SEC16A: variants seen among roughly 807,000 people sequenced by gnomAD.
SEC16A encodes the protein SEC16 homolog A, endoplasmic reticulum export factor, also known as protein transport protein Sec16A.
Under a neutral mutation model 221.9 loss-of-function variants are expected in SEC16A, and 110 were observed. The ratio of observed to expected loss-of-function variants is 0.50; its 90% CI spans 0.42 to 0.58. SEC16A has a LOEUF of 0.58. SEC16A is among the 20% of genes least tolerant of loss of function. SEC16A has a pLI of 0.00. For synonymous variants in SEC16A, 1,393 were observed against 1,257.7 expected (o/e 1.11, Z -2.28); for missense variants, 3,165 against 3,097.8 (o/e 1.02, Z -0.52).
At chr9:136,464,081 A>G (rs1270708441) in intron 9 of SEC16A, among the ~76,000 whole-genome samples, 3 of 103,330 alleles carry the variant, frequency 2.9e-5, no homozygotes, top group African/African-American at 1.1e-4. Flanking sequence ...CGTCCACCCC[A>G]CCCGCCCCCC....
Position 136,447,174 on chromosome 9 carries a change from A to G in SEC16A, c.6697+53T>C, listed in dbSNP as rs570725466. On this transcript the variant is annotated intron_variant, in intron 27 of 31. Transcript: ENST00000684901. This position sits in a 1 kb window ranked among gnomAD's most constrained non-coding sequence, Gnocchi z 5.5. ...GGAGAGACTCATAGAAAGAGGATCA[A>G]AGGTCAGGAGACTGGGGGCTGACCT... 1.6e-5 allele frequency: 25 copies of G among 1,559,616 alleles called. No individual in the cohort carries two copies. The highest frequency in any genetic ancestry group is 3.3e-4 in the Middle Eastern group (2 of 5,978).
chr9:136,473,673 A>G (rs1588994856), intron 3 of SEC16A, among the ~76,000 whole-genome samples: 1 of 152,390 alleles, frequency 6.6e-6, no homozygotes, highest in Middle Eastern at 3.4e-3. Flanking sequence ...TCCAGAGGCT[A>G]GCCCAGCTTC....
chr9:136,442,180 G>A (rs767926950), intron 31 of SEC16A, among the ~76,000 whole-genome samples: 6 of 152,218 alleles, frequency 3.9e-5, no homozygotes, highest in Non-Finnish European at 8.8e-5. Flanking sequence ...TGGGACGCGG[G>A]GACCTCAGTT....
At chr9:136,460,195 G>A in intron 13 of SEC16A, 72 bp from the exon 14 acceptor site, 8 of 1,247,018 alleles carry the variant, frequency 6.4e-6, no homozygotes, top group East Asian at 5.1e-5. Context: ...GGACATGATG[G>A]CTCACGCCTG....
At chr9:136,461,482 G>A (rs540933264) in intron 12 of SEC16A, among the ~76,000 whole-genome samples, 7 of 152,318 alleles carry the variant, frequency 4.6e-5, no homozygotes, top group East Asian at 1.9e-4. Flanking sequence ...GTGGGTATTT[G>A]TAGATATTTG....
Position 136,478,796 on chromosome 9 carries a change from C to G in SEC16A, c.-157G>C, listed in dbSNP as rs1245122741. On this transcript the variant is annotated 5_prime_UTR_variant, in exon 2 of 32. Coordinates refer to ENST00000684901, the MANE Select transcript of SEC16A (RefSeq NM_014866.2). Reference sequence around the variant, plus strand: ...CTGCAGTGAGCTATGATTATACCACCGCGGTCCAGCCTGGGCAACAGAGCA... The same window carrying G: ...CTGCAGTGAGCTATGATTATACCACGGCGGTCCAGCCTGGGCAACAGAGCA... 1.3e-5 allele frequency among the ~76,000 whole-genome samples: 2 copies of G among 151,820 alleles called. No individual in the cohort carries two copies. Among genetic ancestry groups the G allele is most frequent in the African/African-American group, 4.8e-5 (2 of 41,282 alleles).
At chr9:136,480,939 C>T (rs1842244707) in intron 1 of SEC16A, among the ~76,000 whole-genome samples, 2 of 151,886 alleles carry the variant, frequency 1.3e-5, no homozygotes, top group Non-Finnish European at 2.9e-5. Flanking sequence ...TTTTTTATGG[C>T]AAACATTATC....
chr9:136,460,980 T>C (rs974053830), intron 13 of SEC16A, among the ~76,000 whole-genome samples, 197 bp downstream of exon 13: 2 of 152,222 alleles, frequency 1.3e-5, no homozygotes, highest in African/African-American at 4.8e-5. Context: ...CTAAAAACCA[T>C]GCAGTTAATT....
intron 17 of SEC16A, among the ~76,000 whole-genome samples, chr9:136,457,953 A>ACTTCATT (rs1838921258): frequency 1.3e-5 from 2 of 151,790 alleles, no homozygotes; most frequent in African/African-American, 4.8e-5. Context: ...TTCTCTAGAT[A>ACTTCATT]CTTCATTCTT....
intron 3 of SEC16A, among the ~76,000 whole-genome samples, chr9:136,473,658 A>G (rs1434730595): frequency 1.3e-5 from 2 of 152,238 alleles, no homozygotes; most frequent in Non-Finnish European, 2.9e-5. Context: ...CTTCTGACGT[A>G]AGCTTCCAGA....
chr9:136,481,128 TC>T (rs1842277614), intron 1 of SEC16A, among the ~76,000 whole-genome samples: 5 of 138,668 alleles, frequency 3.6e-5, no homozygotes, highest in Non-Finnish European at 6.3e-5. Flanking sequence ...GGAATTTTAT[TC>T]TTTTTTTTTT....
upstream of SEC16A, chr9:136,483,571 G>C (rs926826029): frequency 2.0e-6 from 2 of 984,924 alleles, no homozygotes; most frequent in Non-Finnish European, 1.2e-6. Flanking sequence ...CCAGTACGTC[G>C]CCCTGTTTAC....
At position 136,460,092 on chromosome 9, in the gene SEC16A, G is replaced by C; in HGVS notation, c.5023C>G (p.Leu1675Val). Reference protein sequence around the residue: ...FANSLPINDPLQTVYQLMSGR... With the variant: ...FANSLPINDPVQTVYQLMSGR... ...GACATGAGCTGGTAGACTGTCTGCAGAGGGTCGTTGATTGGGAGGCTGTTA... is the reference window on the plus strand; with the variant it reads ...GACATGAGCTGGTAGACTGTCTGCACAGGGTCGTTGATTGGGAGGCTGTTA... The change falls in exon 14 of 32, where the codon CTG becomes GTG. Residue 1675 changes from leucine (L) to valine (V), a missense_variant. By Grantham distance (32) the Leu-to-Val change is conservative. This residue lies in a region of SEC16A where 1,088 missense variants were observed against 1,089.6 expected (regional missense o/e 1.00). Coordinates refer to ENST00000684901, the MANE Select transcript of SEC16A (RefSeq NM_014866.2). The C allele has an allele frequency of 2.5e-6, 4 of 1,607,868 alleles. No homozygotes were observed. The highest frequency in any genetic ancestry group is 3.4e-6 in the Non-Finnish European group (4 of 1,177,188).
intron 23 of SEC16A, among the ~76,000 whole-genome samples, chr9:136,449,407 G>C (rs1313278996): frequency 6.6e-6 from 1 of 152,196 alleles, no homozygotes; most frequent in African/African-American, 2.4e-5. Flanking sequence ...CCACCACCAT[G>C]CATGGCTAAT....
Position 136,461,172 on chromosome 9 carries a change from T to C in SEC16A, c.4991+5A>G, listed in dbSNP as rs1453220863. 2.5e-6 allele frequency: 4 copies of C among 1,598,284 alleles called. No homozygotes were observed. Among genetic ancestry groups the C allele is most frequent in the African/African-American group, 1.3e-5 (1 of 74,736 alleles). ...CCACTGGACCAGGCCACTGTGGGAC[T>C]GTACCTGGTCATGACTCGGGCGTGT... is the stretch of plus-strand genomic sequence containing the variant. On this transcript the variant is annotated splice_donor_5th_base_variant and intron_variant, in intron 13 of 31. Coordinates refer to ENST00000684901, the MANE Select transcript of SEC16A (RefSeq NM_014866.2).
intron 22 of SEC16A, among the ~76,000 whole-genome samples, chr9:136,453,069 C>CAAAA: frequency 1.5e-5 from 1 of 64,832 alleles, no homozygotes; most frequent in Non-Finnish European, 3.1e-5. Context: ...GAATCTGTCT[C>CAAAA]AAAAAAAAAA....
chr9:136,459,150 G>A lies in SEC16A; in HGVS notation c.5393C>T (p.Pro1798Leu). ...CCTGCTTACCTGGAAACTAGGCAGG[G>A]GGCAGGTCTCGGCACCCAGGGACTG... Reference protein sequence around the residue: ...YAQSLGAETCPLPSFQVFKFI... With the variant: ...YAQSLGAETCLLPSFQVFKFI... The change falls in exon 17 of 32, where the codon CCC becomes CTC. Residue 1798 changes from proline (P) to leucine (L), a missense_variant. Physicochemically the swap from Pro to Leu is moderately conservative, Grantham distance 98. Around this residue, in one of 3 missense-constraint regions of SEC16A, gnomAD observed 1,088 missense variants for 1,089.6 expected, o/e 1.00. Coordinates refer to ENST00000684901, the MANE Select transcript of SEC16A (RefSeq NM_014866.2). This position sits in a 1 kb window ranked among gnomAD's most constrained non-coding sequence, Gnocchi z 6.1. The A allele has an allele frequency of 1.2e-6, 2 of 1,611,194 alleles. No individual in the cohort carries two copies. Among genetic ancestry groups the A allele is most frequent in the Admixed American group, 1.7e-5 (1 of 59,744 alleles).
In SEC16A at chr9:136,475,956, G is replaced by A; in HGVS notation, c.1660C>T (p.Pro554Ser). 1 of 1,613,560 alleles carries A rather than the reference G, an allele frequency of 6.2e-7. No homozygotes were observed. The highest frequency in any genetic ancestry group is 2.2e-5 in the East Asian group (1 of 44,876). ...GTFIQQEVGK[P>S]EDEASGSFFK... is the part of the protein sequence containing the mutation. ...AAACTACCTGAAGCTTCATCCTCGGGTTTTCCAACTTCTTGCTGAATGAAT... is the reference window on the plus strand; with the variant it reads ...AAACTACCTGAAGCTTCATCCTCGGATTTTCCAACTTCTTGCTGAATGAAT... Residue 554 changes from proline to serine, a missense_variant, in exon 3 of 32, where the codon CCC (proline) becomes TCC (serine). Coordinates refer to ENST00000684901, the MANE Select transcript of SEC16A (RefSeq NM_014866.2). The surrounding 1 kb of genome is among the most constrained non-coding windows in gnomAD (Gnocchi z 5.0).
chr9:136,478,239 C>CA (rs1160607769), intron 2 of SEC16A, among the ~76,000 whole-genome samples: 1 of 151,796 alleles, frequency 6.6e-6, no homozygotes, highest in Non-Finnish European at 1.5e-5. Context: ...CTCGTTTCTA[C>CA]AAAAAATACA....
Sources: allele counts gnomAD v4.1 joint callset (sites outside exome capture counted in the v4.1 genomes callset), GRCh38; gene constraint gnomAD v4.1.1; regional missense constraint gnomAD v4.1.1; non-coding constraint Gnocchi (gnomAD v3.1); transcripts MANE v1.5; gene names NCBI Gene and HGNC (gene_info 2026-07-23, HGNC 2026-07-21).